The following AEBP2 variants were observed in gnomAD, a reference collection of about 807,000 sequenced individuals.
The protein encoded by AEBP2 is zinc finger protein AEBP2.
AEBP2 carries 10 observed loss-of-function variants against 50.8 expected under a neutral mutation model. The ratio of observed to expected loss-of-function variants is 0.20; its 90% CI spans 0.12 to 0.33. The LOEUF is 0.33. AEBP2 is among the 10% of genes least tolerant of loss of function. The pLI, the probability that AEBP2 is intolerant of heterozygous loss-of-function variation, is 1.00. For synonymous variants in AEBP2, 296 were observed against 261.3 expected (o/e 1.13, Z -1.28); for missense variants, 570 against 688.0 (o/e 0.83, Z 1.92).
intron 6 of AEBP2, among the ~76,000 whole-genome samples, chr12:19,512,737 C>T (rs890096622): frequency 1.7e-4 from 26 of 151,556 alleles, no homozygotes; most frequent in Non-Finnish European, 2.5e-4. Context: ...TGGGGGAGGC[C>T]GGCAGTTCGA....
At chr12:19,466,323 GCA>G (rs1948473013) in intron 2 of AEBP2, among the ~76,000 whole-genome samples, 1 of 152,056 alleles carries the variant, frequency 6.6e-6, no homozygotes, top group Non-Finnish European at 1.5e-5. Context: ...GGGTGTAGTG[GCA>G]CACGCCTGTG....
chr12:19,436,875 C>G (rs140980023), upstream of AEBP2, among the ~76,000 whole-genome samples: 1 of 152,216 alleles, frequency 6.6e-6, no homozygotes, highest in East Asian at 1.9e-4. Context: ...GCTGGGATTA[C>G]AAGAGTGAGC....
At chr12:19,478,020 T>C (rs1296281001) in intron 3 of AEBP2, among the ~76,000 whole-genome samples, 1 of 152,228 alleles carries the variant, frequency 6.6e-6, no homozygotes, top group Non-Finnish European at 1.5e-5. Flanking sequence ...TTCTGTGGTA[T>C]TGGTTGTAAT....
intron 1 of AEBP2, among the ~76,000 whole-genome samples, chr12:19,405,775 A>G (rs1479163630): frequency 6.6e-6 from 1 of 152,080 alleles, no homozygotes; most frequent in Non-Finnish European, 1.5e-5. Context: ...GGATACATTT[A>G]TTAAAATCAA....
At chr12:19,501,649 T>A (rs113461989) in intron 5 of AEBP2, among the ~76,000 whole-genome samples, 3 of 31,528 alleles carry the variant, frequency 9.5e-5, no homozygotes, top group South Asian at 1.5e-3. Context: ...AAAAAAAAAA[T>A]TATATATACA....
chr12:19,433,526 T>A (rs898852550), intron 1 of AEBP2, among the ~76,000 whole-genome samples: 2 of 152,054 alleles, frequency 1.3e-5, no homozygotes, highest in Non-Finnish European at 2.9e-5. Context: ...ATGCCTGTAA[T>A]CCTAGCACTT....
chr12:19,465,064 G>A (rs570726782), intron 2 of AEBP2, among the ~76,000 whole-genome samples: 1 of 152,154 alleles, frequency 6.6e-6, no homozygotes, highest in East Asian at 1.9e-4. Flanking sequence ...AATATCACTT[G>A]ATTACCAATA....
chr12:19,432,101 G>A (rs934162201), intron 1 of AEBP2, among the ~76,000 whole-genome samples: 2 of 152,070 alleles, frequency 1.3e-5, no homozygotes, highest in Non-Finnish European at 2.9e-5. Flanking sequence ...GCTGCTTCCT[G>A]GAACAGAACT....
intron 1 of AEBP2, among the ~76,000 whole-genome samples, chr12:19,428,981 T>G (rs2095750026): frequency 6.6e-6 from 1 of 151,946 alleles, no homozygotes; most frequent in Non-Finnish European, 1.5e-5. Flanking sequence ...TCTACAATTT[T>G]TTTTTTCCAT....
intron 5 of AEBP2, among the ~76,000 whole-genome samples, chr12:19,511,606 TGAG>T (rs1949233325): frequency 6.6e-6 from 1 of 152,138 alleles, no homozygotes; most frequent in South Asian, 2.1e-4. Flanking sequence ...TTTGATGACT[TGAG>T]GAGGTCCAGA....
chr12:19,426,290 C>T (rs2095748510), intron 1 of AEBP2, among the ~76,000 whole-genome samples: 1 of 152,096 alleles, frequency 6.6e-6, no homozygotes, highest in African/African-American at 2.4e-5. Context: ...GATACTGCTC[C>T]TGAAATGTGT....
At chr12:19,508,266 G>A (rs1417138521) in intron 5 of AEBP2, among the ~76,000 whole-genome samples, 2 of 152,134 alleles carry the variant, frequency 1.3e-5, no homozygotes, top group Non-Finnish European at 2.9e-5. Flanking sequence ...TCACCATGTT[G>A]TCCAGGCTGG....
Position 19,459,349 on chromosome 12 carries a change from A to G in AEBP2, c.672-3161A>G, listed in dbSNP as rs375906295. Among the ~76,000 whole-genome samples, 25 of 151,882 alleles carry G rather than the reference A, an allele frequency of 1.6e-4. No individual in the cohort carries two copies. The East Asian group carries it at 1.7e-3, about 11-fold the overall frequency. On this transcript the variant is annotated intron_variant, in intron 1 of 7. Coordinates refer to ENST00000266508, the MANE Select transcript of AEBP2 (RefSeq NM_153207.5). The stretch of plus-strand genomic sequence containing the variant: ...TGGGTTCATGCCATTCTCCTGCCTT[A>G]GCCTCCTGAGTAGCTGGGACTACAG...
Position 19,445,337 on chromosome 12 carries a change from T to A in AEBP2, c.671+4967T>A, listed in dbSNP as rs187735880. ...CCTCAGCCTCCTGAGTATCTGGGAT[T>A]ACAGGCGCATGCCACCGTGCCCTGC... On this transcript the variant is annotated intron_variant, in intron 1 of 7. Coordinates refer to ENST00000266508, the MANE Select transcript of AEBP2 (RefSeq NM_153207.5). 5.1e-3 allele frequency among the ~76,000 whole-genome samples: 772 copies of A among 151,942 alleles called. 5 individuals carry two copies. Among genetic ancestry groups the A allele is most frequent in the Non-Finnish European group, 8.2e-3 (559 of 67,970 alleles).
chr12:19,412,018 T>C (rs1228412900), intron 1 of AEBP2, among the ~76,000 whole-genome samples: 1 of 152,340 alleles, frequency 6.6e-6, no homozygotes, highest in Non-Finnish European at 1.5e-5. Flanking sequence ...CTCCTGTCCG[T>C]AAGTGCTGCG....
chr12:19,458,422 C>T (rs892599248), intron 1 of AEBP2, among the ~76,000 whole-genome samples: 11 of 152,164 alleles, frequency 7.2e-5, no homozygotes, highest in African/African-American at 2.4e-4. Context: ...TGTTCCAGGA[C>T]GTGCCTCTCA....
Position 19,440,005 on chromosome 12 carries a change from C to G in AEBP2, c.306C>G (p.Asp102Glu), listed in dbSNP as rs367880727. The change falls in exon 1 of 8, where the codon GAC becomes GAG. Residue 102 changes from aspartate to glutamate, a missense_variant. Around this residue, in one of 2 missense-constraint regions of AEBP2, gnomAD observed 386 missense variants for 336.8 expected, o/e 1.15. Coordinates refer to ENST00000266508, the MANE Select transcript of AEBP2 (RefSeq NM_153207.5). ...GGGAGGACGAAGACGAGGAGGAGGA[C>G]GACGAGGAGGAGGAAGATGAGAGCA... is the stretch of plus-strand genomic sequence containing the variant. ...QAGEDEDEEE[D>E]DEEEEDESSS... 1.0e-4 allele frequency: 154 copies of G among 1,519,714 alleles called. No individual in the cohort carries two copies. Among genetic ancestry groups the G allele is most frequent in the Admixed American group, 4.4e-4 (22 of 49,726 alleles). The allele number at this position is 1,519,714 out of a possible 1,614,324, so 94.1% of individuals were successfully genotyped here.
At chr12:19,499,826 A>G (rs1237155184) in intron 4 of AEBP2, among the ~76,000 whole-genome samples, 1 of 152,190 alleles carries the variant, frequency 6.6e-6, no homozygotes, top group African/African-American at 2.4e-5. Context: ...ATAACATTTT[A>G]TGAAAAATGA....
chr12:19,459,522 C>T (rs1432041341), intron 1 of AEBP2, among the ~76,000 whole-genome samples: 6 of 152,090 alleles, frequency 3.9e-5, no homozygotes, highest in African/African-American at 7.2e-5. Context: ...TGAGCCACCG[C>T]GCCCGGCCGG....
Sources: allele counts gnomAD v4.1 joint callset (sites outside exome capture counted in the v4.1 genomes callset), GRCh38; gene constraint gnomAD v4.1.1; regional missense constraint gnomAD v4.1.1; transcripts MANE v1.5; gene names NCBI Gene and HGNC (gene_info 2026-07-23, HGNC 2026-07-21).